Variants in NCOA7 observed in about 807,000 individuals in gnomAD.
NCOA7 encodes 140 kDa estrogen receptor-associated protein.
In NCOA7, 45 loss-of-function variants were observed where a neutral mutation model predicts 104.3. The observed-to-expected ratio is 0.43, with a 90% CI of 0.34 to 0.55. The LOEUF (loss-of-function observed/expected upper bound fraction) is 0.55, where lower values mean the gene tolerates loss of function less well. NCOA7 is among the 20% of genes least tolerant of loss of function. NCOA7 has a pLI of 0.02. For synonymous variants in NCOA7, 398 were observed against 402.3 expected (o/e 0.99, Z 0.13); for missense variants, 1,041 against 1,119.7 (o/e 0.93, Z 1.00).
intron 2 of NCOA7, among the ~76,000 whole-genome samples, chr6:125,849,223 C>G (rs1308325781): frequency 6.6e-6 from 1 of 152,164 alleles, no homozygotes; most frequent in Non-Finnish European, 1.5e-5. Context: ...CCCTTGCTCA[C>G]TTCTGCAGTC....
intron 2 of NCOA7, among the ~76,000 whole-genome samples, chr6:125,839,755 A>G (rs558076196): frequency 2.6e-5 from 4 of 152,230 alleles, no homozygotes; most frequent in African/African-American, 7.2e-5. Flanking sequence ...AACAAATTCT[A>G]TCATCCAGTA....
intron 1 of NCOA7, among the ~76,000 whole-genome samples, chr6:125,795,934 T>C (rs534467479): frequency 1.3e-5 from 2 of 152,314 alleles, no homozygotes; most frequent in Middle Eastern, 3.4e-3. Context: ...ACCCCCAAGT[T>C]AAACATTTGT....
chr6:125,878,302 T>G lies in NCOA7; in HGVS notation c.391T>G (p.Phe131Val). The G allele has an allele frequency of 3.1e-6, 5 of 1,612,892 alleles. No homozygotes were observed. Among genetic ancestry groups the G allele is most frequent in the Non-Finnish European group, 4.2e-6 (5 of 1,179,460 alleles). Residue 131 changes from phenylalanine to valine, a missense_variant, in exon 5 of 16, where the codon TTT (phenylalanine) becomes GTT (valine). Physicochemically the swap from Phe to Val is conservative, Grantham distance 50. Around this residue, in one of 2 missense-constraint regions of NCOA7, gnomAD observed 914 missense variants for 942.7 expected, o/e 0.97. Coordinates refer to ENST00000392477, the MANE Select transcript of NCOA7 (RefSeq NM_181782.5). The stretch of plus-strand genomic sequence containing the variant: ...CACCCTAAACTCCATAGCACTGAAA[T>G]TTAACATCACTCCCAATAAATTGGT... ...QDTLNSIALK[F>V]NITPNKLVEL...
intron 10 of NCOA7, among the ~76,000 whole-genome samples, chr6:125,896,022 A>ATTATATATTTG: frequency 6.8e-6 from 1 of 148,100 alleles, no homozygotes; most frequent in Admixed American, 6.8e-5. Flanking sequence ...AAATATATAT[A>ATTATATATTTG]TATTATATAA....
chr6:125,864,026 G>T (rs1436278914), intron 3 of NCOA7, among the ~76,000 whole-genome samples: 1 of 136,332 alleles, frequency 7.3e-6, no homozygotes, highest in Non-Finnish European at 1.6e-5. Flanking sequence ...TTTTTTGGGG[G>T]GGGCAGTTTG....
intron 1 of NCOA7, among the ~76,000 whole-genome samples, chr6:125,781,547 T>C (rs1002415305): frequency 1.3e-5 from 2 of 152,226 alleles, no homozygotes; most frequent in African/African-American, 2.4e-5. Context: ...CTTTATTGTA[T>C]TTTAAGTGGG....
chr6:125,813,103 A>G (rs1035614030), intron 1 of NCOA7, among the ~76,000 whole-genome samples: 1 of 152,186 alleles, frequency 6.6e-6, no homozygotes, highest in Non-Finnish European at 1.5e-5. Context: ...CTCATGGAGA[A>G]CCCTCTGGTG....
intron 11 of NCOA7, 102 bp from the exon 12 acceptor site, chr6:125,920,841 C>T (rs1417861137): frequency 9.8e-6 from 14 of 1,431,236 alleles, no homozygotes; most frequent in Non-Finnish European, 1.1e-5. Context: ...GCTGCCGAAG[C>T]GTCACCTTTT....
intron 2 of NCOA7, among the ~76,000 whole-genome samples, chr6:125,826,619 A>G (rs1268923667): frequency 6.6e-6 from 1 of 152,212 alleles, no homozygotes; most frequent in Non-Finnish European, 1.5e-5. Flanking sequence ...CATTGCTTGC[A>G]TCTCAGAGAG....
intron 3 of NCOA7, among the ~76,000 whole-genome samples, chr6:125,869,349 C>A (rs531674277): frequency 1.4e-4 from 21 of 152,266 alleles, no homozygotes; most frequent in African/African-American, 4.8e-4. Context: ...TACTCAATGT[C>A]CACATCTCAC....
chr6:125,838,109 A>G (rs1440011227), intron 2 of NCOA7, among the ~76,000 whole-genome samples: 2 of 152,188 alleles, frequency 1.3e-5, no homozygotes, highest in Non-Finnish European at 2.9e-5. Flanking sequence ...CAGATTAATA[A>G]GAGAGAAGCA....
intron 3 of NCOA7, among the ~76,000 whole-genome samples, chr6:125,869,918 TGCTTTA>T (rs1562947844): frequency 2.0e-5 from 3 of 152,250 alleles, no homozygotes; most frequent in Non-Finnish European, 4.4e-5. Flanking sequence ...TCTGTGTTTA[TGCTTTA>T]TTTCGAACCA....
Position 125,889,067 on chromosome 6 carries a change from A to G in NCOA7, c.1013A>G (p.Glu338Gly). 1 of 1,614,150 alleles carries G rather than the reference A, an allele frequency of 6.2e-7. No homozygotes were observed. The highest frequency in any genetic ancestry group is 8.5e-7 in the Non-Finnish European group (1 of 1,179,986). Reference protein sequence around the residue: ...INKEKRQQNGEKIMTSDSRPI... With the variant: ...INKEKRQQNGGKIMTSDSRPI... ...AAGGAAAAACGACAGCAGAATGGAG[A>G]GAAAATTATGACTTCGGATTCCAGA... The change falls in exon 9 of 16, where the codon GAG becomes GGG. Residue 338 changes from glutamate (E) to glycine (G), a missense_variant. Physicochemically the swap from Glu to Gly is moderately conservative, Grantham distance 98 (BLOSUM62 -2). Around this residue, in one of 2 missense-constraint regions of NCOA7, gnomAD observed 914 missense variants for 942.7 expected, o/e 0.97. Coordinates refer to ENST00000392477, the MANE Select transcript of NCOA7 (RefSeq NM_181782.5).
intron 1 of NCOA7, among the ~76,000 whole-genome samples, chr6:125,814,223 T>C (rs630220): frequency 0.71 from 107,220 of 152,084 alleles, 38,207 homozygotes; most frequent in East Asian, 0.92. Context: ...GGTGCCATCT[T>C]GGCTCACTGC....
chr6:125,914,791 A>G (rs1392735544), intron 10 of NCOA7, among the ~76,000 whole-genome samples: 1 of 152,236 alleles, frequency 6.6e-6, no homozygotes, highest in Non-Finnish European at 1.5e-5. Flanking sequence ...GAGAAGTTGG[A>G]AGCAAAGAAC....
chr6:125,856,422 G>T (rs970487142), intron 3 of NCOA7, among the ~76,000 whole-genome samples: 1 of 151,866 alleles, frequency 6.6e-6, no homozygotes, highest in Non-Finnish European at 1.5e-5. Context: ...GCGCGATCTC[G>T]GCTCACTGTA....
chr6:125,824,800 C>G (rs1778505666), intron 2 of NCOA7, among the ~76,000 whole-genome samples: 2 of 152,038 alleles, frequency 1.3e-5, no homozygotes, highest in Non-Finnish European at 2.9e-5. Flanking sequence ...GCTCTGTTGC[C>G]CAGGCTGGAG....
intron 2 of NCOA7, among the ~76,000 whole-genome samples, chr6:125,848,386 A>T (rs1325390736): frequency 6.6e-6 from 1 of 152,180 alleles, no homozygotes; most frequent in Non-Finnish European, 1.5e-5. Context: ...AATAACAAAG[A>T]CTTGGAACCA....
chr6:125,911,218 T>C (rs945229057), intron 10 of NCOA7, among the ~76,000 whole-genome samples: 4 of 152,226 alleles, frequency 2.6e-5, no homozygotes, highest in African/African-American at 9.6e-5. Context: ...ATATGGAACA[T>C]GTTCTGCTAC....
Sources: gnomAD v4.1 joint callset for allele counts (sites outside exome capture counted in the v4.1 genomes callset) on GRCh38, gnomAD v4.1.1 for gene constraint, gnomAD v4.1.1 regional missense constraint, MANE v1.5 for transcripts, NCBI Gene and HGNC (gene_info 2026-07-23, HGNC 2026-07-21) for gene names.